The following CACNA2D3 variants were observed in gnomAD, a reference collection of about 807,000 sequenced individuals.
CACNA2D3 encodes the protein calcium voltage-gated channel auxiliary subunit alpha2delta 3, also known as voltage-dependent calcium channel subunit alpha-2/delta-3.
CACNA2D3 carries 60 observed loss-of-function variants against 160.6 expected under a neutral mutation model. That is an observed-to-expected ratio of 0.37 (90% CI 0.30 to 0.46). CACNA2D3 has a LOEUF of 0.46. Ranked by LOEUF, CACNA2D3 falls within the 20% of genes least tolerant of loss-of-function variation. The pLI, the probability that CACNA2D3 is intolerant of heterozygous loss-of-function variation, is 1.00. For synonymous variants in CACNA2D3, 558 were observed against 492.9 expected (o/e 1.13, Z -1.75); for missense variants, 1,205 against 1,365.0 (o/e 0.88, Z 1.85).
At chr3:54,179,459 A>G (rs546728656) in intron 2 of CACNA2D3, among the ~76,000 whole-genome samples, 5 of 152,106 alleles carry the variant, frequency 3.3e-5, no homozygotes, top group Non-Finnish European at 7.4e-5. Flanking sequence ...CTGAGATGTT[A>G]TGTTCTAAGG....
chr3:54,472,564 G>C (rs1433372180), intron 4 of CACNA2D3, among the ~76,000 whole-genome samples: 1 of 152,066 alleles, frequency 6.6e-6, no homozygotes, highest in Non-Finnish European at 1.5e-5. Context: ...AGAAATAAAG[G>C]GTATTCAAAT....
intron 32 of CACNA2D3, 153 bp from the exon 33 acceptor site, chr3:55,007,637 A>G: frequency 1.7e-6 from 1 of 578,310 alleles, no homozygotes. Context: ...ACAGTATCCA[A>G]CAATTTTCTT....
chr3:54,997,670 G>A (rs1017113939), intron 31 of CACNA2D3, among the ~76,000 whole-genome samples: 1 of 152,058 alleles, frequency 6.6e-6, no homozygotes, highest in Non-Finnish European at 1.5e-5. Context: ...AGGCTACAGT[G>A]AGCTATGTGC....
intron 5 of CACNA2D3, among the ~76,000 whole-genome samples, chr3:54,548,520 TTAAAA>T (rs1225707579): frequency 1.3e-5 from 2 of 152,146 alleles, no homozygotes; most frequent in African/African-American, 4.8e-5. Flanking sequence ...TCCTAGGCAT[TTAAAA>T]ACAAATTAAG....
intron 35 of CACNA2D3, among the ~76,000 whole-genome samples, chr3:55,038,524 A>G (rs1320018343): frequency 6.6e-6 from 1 of 152,140 alleles, no homozygotes; most frequent in Non-Finnish European, 1.5e-5. Context: ...ACATATAAAA[A>G]CGTGAAATGT....
intron 14 of CACNA2D3, among the ~76,000 whole-genome samples, chr3:54,822,918 G>A (rs187798362): frequency 5.3e-5 from 8 of 150,494 alleles, no homozygotes; most frequent in South Asian, 2.1e-4. Context: ...GCAATTGCGC[G>A]ATCTCGGCTC....
intron 3 of CACNA2D3, among the ~76,000 whole-genome samples, chr3:54,346,028 G>A (rs544372287): frequency 7.4e-6 from 1 of 135,580 alleles, no homozygotes; most frequent in Admixed American, 7.4e-5. Context: ...GGTGGAGGCT[G>A]GGGGTAAGGG....
In CACNA2D3 at chr3:54,987,706, C is replaced by T. The variant is rs1328170093; in HGVS notation, c.2643C>T (p.Ile881=). ...YTQTGDFFGE[I]EGAVMNKLLT... is the part of the protein sequence containing the mutation. ...AGACTGGAGACTTTTTTGGTGAGAT[C>T]GAGGGAGCTGTGATGAACAAATTGC... Residue 881 remains isoleucine (I), a synonymous_variant, in exon 31 of 38, where the codon ATC becomes ATT. Coordinates refer to ENST00000474759, the MANE Select transcript of CACNA2D3 (RefSeq NM_018398.3). The T allele has an allele frequency of 3.7e-6, 6 of 1,610,190 alleles. No homozygotes were observed. The highest frequency in any genetic ancestry group is 3.4e-5 in the Admixed American group (2 of 59,120).
intron 27 of CACNA2D3, among the ~76,000 whole-genome samples, chr3:54,932,341 C>T (rs1701210317): frequency 6.6e-6 from 1 of 151,790 alleles, no homozygotes; most frequent in African/African-American, 2.4e-5. Context: ...GAGGAATTAA[C>T]CCTATAAATA....
intron 12 of CACNA2D3, among the ~76,000 whole-genome samples, chr3:54,753,003 G>A (rs1182323567): frequency 6.6e-6 from 1 of 151,990 alleles, no homozygotes; most frequent in African/African-American, 2.4e-5. Flanking sequence ...TGAGATTACA[G>A]GTGTGCACCA....
chr3:54,239,262 A>G (rs940343218), intron 2 of CACNA2D3, among the ~76,000 whole-genome samples: 9 of 152,176 alleles, frequency 5.9e-5, no homozygotes, highest in African/African-American at 2.2e-4. Flanking sequence ...TTTGCTTTCA[A>G]CTCTGTAAGC....
chr3:55,032,200 A>G (rs1387861635), intron 35 of CACNA2D3, among the ~76,000 whole-genome samples: 1 of 152,160 alleles, frequency 6.6e-6, no homozygotes, highest in African/African-American at 2.4e-5. Flanking sequence ...CTGGAGTTGA[A>G]TTAAGTCCAG....
intron 4 of CACNA2D3, among the ~76,000 whole-genome samples, chr3:54,427,800 A>T (rs1699930599): frequency 6.6e-6 from 1 of 152,208 alleles, no homozygotes; most frequent in Non-Finnish European, 1.5e-5. Context: ...GGTATGGGGA[A>T]CAAGGGATCA....
At chr3:54,417,780 G>A (rs955254321) in intron 4 of CACNA2D3, among the ~76,000 whole-genome samples, 2 of 110,394 alleles carry the variant, frequency 1.8e-5, no homozygotes, top group Admixed American at 1.0e-4. Flanking sequence ...TGGTGTGTGT[G>A]TGTATCTGTG....
intron 11 of CACNA2D3, among the ~76,000 whole-genome samples, chr3:54,673,657 T>C (rs1700195210): frequency 6.6e-6 from 1 of 152,244 alleles, no homozygotes; most frequent in Non-Finnish European, 1.5e-5. Context: ...TTTTGTTCTT[T>C]GAAATAACTT....
intron 11 of CACNA2D3, among the ~76,000 whole-genome samples, chr3:54,692,949 C>G (rs2106935242): frequency 6.6e-6 from 1 of 152,214 alleles, no homozygotes; most frequent in South Asian, 2.1e-4. Context: ...AAATGGCTAA[C>G]TCTTTTTAAG....
chr3:55,019,608 A>C (rs1266234809), intron 35 of CACNA2D3, among the ~76,000 whole-genome samples: 6 of 152,286 alleles, frequency 3.9e-5, no homozygotes, highest in African/African-American at 1.4e-4. Context: ...TGTAGATTGA[A>C]TATTGTATCC....
At chr3:54,953,683 G>A (rs1701812612) in intron 27 of CACNA2D3, among the ~76,000 whole-genome samples, 1 of 152,244 alleles carries the variant, frequency 6.6e-6, no homozygotes, top group African/African-American at 2.4e-5. Context: ...TGAGGATTAA[G>A]CCATTGTGCT....
At chr3:54,483,905 C>G (rs1463526904) in intron 4 of CACNA2D3, among the ~76,000 whole-genome samples, 1 of 152,224 alleles carries the variant, frequency 6.6e-6, no homozygotes, top group East Asian at 1.9e-4. Flanking sequence ...GACTGCTTTT[C>G]TATAAGATAT....
Sources: allele counts gnomAD v4.1 joint callset (sites outside exome capture counted in the v4.1 genomes callset), GRCh38; gene constraint gnomAD v4.1.1; transcripts MANE v1.5; gene names NCBI Gene and HGNC (gene_info 2026-07-23, HGNC 2026-07-21).